Variants in PAPPA observed in about 807,000 individuals in gnomAD.
PAPPA encodes the protein pappalysin-1.
Under a neutral mutation model 164.0 loss-of-function variants are expected in PAPPA, and 60 were observed. The ratio of observed to expected loss-of-function variants is 0.37; its 90% CI spans 0.30 to 0.45. The LOEUF (loss-of-function observed/expected upper bound fraction) is 0.45. Ranked by LOEUF, PAPPA falls within the 20% of genes least tolerant of loss-of-function variation. PAPPA has a pLI of 1.00. For synonymous variants in PAPPA, 875 were observed against 814.1 expected (o/e 1.07, Z -1.27); for missense variants, 1,782 against 2,087.3 (o/e 0.85, Z 2.85).
At chr9:116,279,543 G>C (rs1209533736) in intron 9 of PAPPA, among the ~76,000 whole-genome samples, 1 of 152,060 alleles carries the variant, frequency 6.6e-6, no homozygotes, top group Admixed American at 6.5e-5. Context: ...GCCCAGGTCT[G>C]CTTCCTGACT....
At chr9:116,389,284 C>T (rs969674468) in intron 21 of PAPPA, among the ~76,000 whole-genome samples, 2 of 152,004 alleles carry the variant, frequency 1.3e-5, no homozygotes, top group Non-Finnish European at 2.9e-5. Flanking sequence ...AGGCACACAC[C>T]ACCACACCTG....
chr9:116,236,225 A>T (rs1195622589), intron 7 of PAPPA, among the ~76,000 whole-genome samples: 2 of 152,046 alleles, frequency 1.3e-5, no homozygotes, highest in African/African-American at 2.4e-5. Flanking sequence ...GGGCCTTTGC[A>T]GCTTTAGGTT....
At chr9:116,188,289 C>T (rs1276654495) in intron 2 of PAPPA, 73 bp downstream of exon 2, 2 of 1,127,706 alleles carry the variant, frequency 1.8e-6, no homozygotes, top group Non-Finnish European at 2.5e-6. Flanking sequence ...AGATAAGGCA[C>T]CTGAGGCCAG....
chr9:116,257,685 G>A (rs1191886572), intron 7 of PAPPA, among the ~76,000 whole-genome samples: 1 of 152,028 alleles, frequency 6.6e-6, no homozygotes, highest in Non-Finnish European at 1.5e-5. Flanking sequence ...CTGGGCGACA[G>A]AGCGAGACTC....
At chr9:116,163,243 T>A (rs1166846867) in intron 1 of PAPPA, among the ~76,000 whole-genome samples, 3 of 152,120 alleles carry the variant, frequency 2.0e-5, no homozygotes, top group Non-Finnish European at 4.4e-5. Context: ...GGTGAATGTT[T>A]GTAAAGAAAA....
intron 15 of PAPPA, among the ~76,000 whole-genome samples, chr9:116,349,059 C>T (rs908065516): frequency 2.0e-5 from 3 of 152,086 alleles, no homozygotes; most frequent in Admixed American, 6.5e-5. Flanking sequence ...CTATTTGTAC[C>T]TCTTGTCCTT....
At chr9:116,174,958 C>G (rs1276242149) in intron 1 of PAPPA, among the ~76,000 whole-genome samples, 1 of 152,112 alleles carries the variant, frequency 6.6e-6, no homozygotes, top group Non-Finnish European at 1.5e-5. Flanking sequence ...TCTGCATTTT[C>G]AAGAAAACTG....
intron 1 of PAPPA, among the ~76,000 whole-genome samples, chr9:116,168,756 T>C (rs1370682165): frequency 6.6e-6 from 1 of 152,200 alleles, no homozygotes; most frequent in African/African-American, 2.4e-5. Flanking sequence ...TAGGAAATTA[T>C]TGGACAATTC....
At chr9:116,396,360 G>GTT (rs1846962974) in intron 21 of PAPPA, 149 bp from the exon 22 acceptor site, 1 of 678,546 alleles carries the variant, frequency 1.5e-6, no homozygotes, top group Non-Finnish European at 2.6e-6. Flanking sequence ...CTCGATAAAA[G>GTT]TTATCACCAG....
intron 4 of PAPPA, among the ~76,000 whole-genome samples, chr9:116,217,333 C>T (rs147002315): frequency 2.0e-5 from 3 of 152,194 alleles, no homozygotes; most frequent in African/African-American, 4.8e-5. Context: ...AATTTATGCA[C>T]GAGGGAACTG....
chr9:116,246,360 A>C (rs954784763), intron 7 of PAPPA, among the ~76,000 whole-genome samples: 11 of 152,214 alleles, frequency 7.2e-5, no homozygotes, highest in African/African-American at 2.7e-4. Flanking sequence ...TTATTATACA[A>C]GTGTAATAAT....
chr9:116,328,243 C>T (rs1301421012), intron 10 of PAPPA, among the ~76,000 whole-genome samples: 2 of 152,174 alleles, frequency 1.3e-5, no homozygotes, highest in Non-Finnish European at 2.9e-5. Context: ...AATTGCTGGC[C>T]TGGATTTCAA....
At chr9:116,222,654 A>G (rs1844459984) in intron 5 of PAPPA, among the ~76,000 whole-genome samples, 2 of 152,178 alleles carry the variant, frequency 1.3e-5, no homozygotes, top group Admixed American at 1.3e-4. Flanking sequence ...ATGAATTCAT[A>G]GAGGTAGAAA....
At chr9:116,279,323 A>C (rs779261135) in intron 9 of PAPPA, among the ~76,000 whole-genome samples, 1 of 152,148 alleles carries the variant, frequency 6.6e-6, no homozygotes, top group African/African-American at 2.4e-5. Flanking sequence ...GCAGCACCAA[A>C]GATCTGAAGT....
chr9:116,336,597 C>T (rs12378619), intron 13 of PAPPA, among the ~76,000 whole-genome samples: 9,216 of 152,266 alleles, frequency 0.061, 397 homozygotes, highest in Admixed American at 0.12. Context: ...CCCAGACTGA[C>T]TTGTTTGAAT....
At chr9:116,310,492 G>A (rs1845703355) in intron 10 of PAPPA, among the ~76,000 whole-genome samples, 1 of 152,126 alleles carries the variant, frequency 6.6e-6, no homozygotes, top group African/African-American at 2.4e-5. Flanking sequence ...CTCCAGGAAA[G>A]TAAAAATCAG....
chr9:116,369,386 T>G (rs1846543395), intron 19 of PAPPA, among the ~76,000 whole-genome samples: 1 of 152,122 alleles, frequency 6.6e-6, no homozygotes, highest in Non-Finnish European at 1.5e-5. Context: ...ATTGTACAGA[T>G]AGGGAAACTG....
rs1194831357 is a variant in PAPPA at position 116,346,876 on chromosome 9, G to T, written c.3781-150G>T. ...AATATGTAATTCATGGAGTTATTGGGATCATTAAAAGTGAGCTAACGTTAA... is the reference window on the plus strand; with the variant it reads ...AATATGTAATTCATGGAGTTATTGGTATCATTAAAAGTGAGCTAACGTTAA... On this transcript the variant is annotated intron_variant, in intron 14 of 21. Transcript: ENST00000328252. 1.6e-5 allele frequency: 9 copies of T among 567,790 alleles called. No homozygotes were observed. In the Admixed American group the frequency reaches 1.7e-4, roughly 11 times the overall value. 35.2% of individuals were successfully genotyped at this position (567,790 alleles called of 1,614,324 possible).
chr9:116,341,560 A>G (rs534236876), intron 13 of PAPPA, among the ~76,000 whole-genome samples: 2 of 152,286 alleles, frequency 1.3e-5, no homozygotes, highest in African/African-American at 4.8e-5. Flanking sequence ...AACTGTCACT[A>G]TAATTTCACC....
Sources: gnomAD v4.1 joint callset for allele counts (sites outside exome capture counted in the v4.1 genomes callset) on GRCh38, gnomAD v4.1.1 for gene constraint, MANE v1.5 for transcripts, NCBI Gene and HGNC (gene_info 2026-07-23, HGNC 2026-07-21) for gene names.